ANKRD45: variants seen among roughly 807,000 people sequenced by gnomAD.
ANKRD45 encodes the protein ankyrin repeat domain-containing protein 45.
In ANKRD45, 21 loss-of-function variants were observed where a neutral mutation model predicts 28.1. The ratio of observed to expected loss-of-function variants is 0.75; its 90% CI spans 0.53 to 1.08. The LOEUF (loss-of-function observed/expected upper bound fraction) is 1.08. Ranked by LOEUF, ANKRD45 falls within the 50% of genes least tolerant of loss-of-function variation. ANKRD45 has a pLI of 0.00. For missense variants in ANKRD45, 261 were observed against 308.7 expected (o/e 0.85, Z 1.16); for synonymous variants, 86 against 103.9 (o/e 0.83, Z 1.05).
chr1:173,610,227 C>G lies in ANKRD45; in HGVS notation c.731-12G>C. The G allele has an allele frequency of 6.2e-7, 1 of 1,611,848 alleles. No individual in the cohort carries two copies. On this transcript the variant is annotated splice_polypyrimidine_tract_variant and intron_variant, in intron 5 of 5. Transcript: ENST00000333279. ...ACTTTTCACTTGACCTGAAAGGAAA[C>G]AGATTTTAAAATTACATTTAATTAG...
At chr1:173,709,689 T>G in the ANKRD45 span, among the ~76,000 whole-genome samples, 2 of 152,150 alleles carry the variant, frequency 1.3e-5, no homozygotes, top group East Asian at 3.9e-4. Context: ...TGAAGTGTAA[T>G]GGCACAATCA....
intron 3 of ANKRD45, among the ~76,000 whole-genome samples, chr1:173,631,212 T>C (rs962412771): frequency 6.6e-5 from 10 of 151,952 alleles, no homozygotes; most frequent in Non-Finnish European, 1.2e-4. Context: ...AGAAAAAAAC[T>C]ATGAAAGAGA....
the ANKRD45 span, among the ~76,000 whole-genome samples, chr1:173,679,998 C>T: frequency 1.2e-4 from 18 of 152,318 alleles, no homozygotes; most frequent in South Asian, 2.5e-3. Context: ...GATACTGTCT[C>T]GCACCAGTTA....
chr1:173,617,597 C>T (rs1667518860), intron 5 of ANKRD45, among the ~76,000 whole-genome samples: 1 of 152,240 alleles, frequency 6.6e-6, no homozygotes, highest in Non-Finnish European at 1.5e-5. Context: ...TACAGCAACT[C>T]CAGCCAGGGT....
intron 5 of ANKRD45, among the ~76,000 whole-genome samples, chr1:173,623,143 G>A (rs572015466): frequency 5.3e-5 from 8 of 151,516 alleles, no homozygotes; most frequent in East Asian, 1.9e-4. Flanking sequence ...TGGTGAAACC[G>A]TCTCTACAAA....
At chr1:173,703,366 G>A in the ANKRD45 span, among the ~76,000 whole-genome samples, 1 of 152,048 alleles carries the variant, frequency 6.6e-6, no homozygotes, top group South Asian at 2.1e-4. Context: ...ACCACACCTG[G>A]CTAATTTTTT....
chr1:173,668,741 G>C (rs1231495036), intron 1 of ANKRD45, among the ~76,000 whole-genome samples: 1 of 152,182 alleles, frequency 6.6e-6, no homozygotes, highest in Non-Finnish European at 1.5e-5. Flanking sequence ...AAAGGAACCA[G>C]ATCAGTCATA....
At chr1:173,691,180 A>G in the ANKRD45 span, among the ~76,000 whole-genome samples, 1 of 151,868 alleles carries the variant, frequency 6.6e-6, no homozygotes, top group Non-Finnish European at 1.5e-5. Context: ...GTCCATGCCC[A>G]GAGTCATTGC....
chr1:173,626,190 A>G (rs1667928604), intron 4 of ANKRD45, among the ~76,000 whole-genome samples: 1 of 152,184 alleles, frequency 6.6e-6, no homozygotes, highest in Non-Finnish European at 1.5e-5. Context: ...TTTTAGCAAT[A>G]CCTAATTCTT....
In ANKRD45 at chr1:173,624,822, A is replaced by G. The variant is rs370688310; in HGVS notation, c.695T>C (p.Ile232Thr). 19 of 1,613,700 alleles carry G rather than the reference A, an allele frequency of 1.2e-5. No homozygotes were observed. The highest frequency in any genetic ancestry group is 4.0e-5 in the African/African-American group (3 of 74,918). Residue 232 changes from isoleucine (I) to threonine (T), a missense_variant, in exon 5 of 6, where the codon ATT (isoleucine) becomes ACT (threonine). Transcript: ENST00000333279. ...LFEQRQQLED[I>T]VTPIFTKMTT... ...CATTTTTGTGAAGATAGGAGTCACA[A>G]TATCTTCCAGTTGTTGTCTCTGCTC...
In ANKRD45 at chr1:173,610,222, G is replaced by A. The variant is rs2102303571; in HGVS notation, c.731-7C>T. ...TTGGCACTTTTCACTTGACCTGAAAGGAAACAGATTTTAAAATTACATTTA... is the reference window on the plus strand; with the variant it reads ...TTGGCACTTTTCACTTGACCTGAAAAGAAACAGATTTTAAAATTACATTTA... On this transcript the variant is annotated splice_polypyrimidine_tract_variant and splice_region_variant and intron_variant, in intron 5 of 5. Coordinates refer to ENST00000333279, the MANE Select transcript of ANKRD45 (RefSeq NM_198493.3). 6.2e-7 allele frequency: 1 copy of A among 1,612,882 alleles called. No homozygotes were observed. Among genetic ancestry groups the A allele is most frequent in the East Asian group, 2.2e-5 (1 of 44,850 alleles).
At chr1:173,658,692 G>T (rs1247837215) in intron 2 of ANKRD45, 1 of 153,742 alleles carries the variant, frequency 6.5e-6, no homozygotes, top group African/African-American at 2.4e-5. Context: ...AAAGGAAAGA[G>T]ATAACAGTAA....
chr1:173,642,093 T>A (rs1668728547), intron 3 of ANKRD45, among the ~76,000 whole-genome samples: 1 of 152,218 alleles, frequency 6.6e-6, no homozygotes, highest in South Asian at 2.1e-4. Flanking sequence ...GATGGAACTA[T>A]AACAAGAGTG....
the ANKRD45 span, among the ~76,000 whole-genome samples, chr1:173,708,957 G>A: frequency 6.6e-6 from 1 of 152,184 alleles, no homozygotes; most frequent in Admixed American, 6.5e-5. Context: ...GCAGCATCAA[G>A]AAAACTAGGA....
At chr1:173,707,863 TA>T in the ANKRD45 span, among the ~76,000 whole-genome samples, 1 of 152,160 alleles carries the variant, frequency 6.6e-6, no homozygotes, top group Non-Finnish European at 1.5e-5. Context: ...TATAAGGAAA[TA>T]AATCCAATTT....
At chr1:173,672,251 G>T (rs1457692366), upstream of ANKRD45, among the ~76,000 whole-genome samples, 2 of 152,102 alleles carry the variant, frequency 1.3e-5, no homozygotes, top group African/African-American at 4.8e-5. Context: ...ACATTATAGA[G>T]AGGAACAATA....
chr1:173,678,137 G>C, the ANKRD45 span, among the ~76,000 whole-genome samples: 1 of 152,130 alleles, frequency 6.6e-6, no homozygotes, highest in Non-Finnish European at 1.5e-5. Flanking sequence ...AATACTACCA[G>C]ACGTACAAAG....
At chr1:173,629,856 C>T (rs1339283160) in intron 3 of ANKRD45, among the ~76,000 whole-genome samples, 1 of 152,060 alleles carries the variant, frequency 6.6e-6, no homozygotes, top group East Asian at 1.9e-4. Context: ...AGAAGACTAC[C>T]TCAAGGTATT....
At chr1:173,613,992 CAT>C (rs1667347347) in intron 5 of ANKRD45, among the ~76,000 whole-genome samples, 2 of 152,206 alleles carry the variant, frequency 1.3e-5, no homozygotes, top group Admixed American at 6.5e-5. Context: ...CTCTCTGAAA[CAT>C]GTGCTGTGTC....
Sources: gnomAD v4.1 joint callset for allele counts (sites outside exome capture counted in the v4.1 genomes callset) on GRCh38, gnomAD v4.1.1 for gene constraint, MANE v1.5 for transcripts, NCBI Gene and HGNC (gene_info 2026-07-23, HGNC 2026-07-21) for gene names.